Variants in ADAM23 observed in about 807,000 individuals in gnomAD.
ADAM23 encodes the protein disintegrin and metalloproteinase domain-containing protein 23.
ADAM23 carries 33 observed loss-of-function variants against 120.1 expected under a neutral mutation model. The ratio of observed to expected loss-of-function variants is 0.27; its 90% CI spans 0.21 to 0.37. The LOEUF (loss-of-function observed/expected upper bound fraction) is 0.37, where lower values mean the gene tolerates loss of function less well. Ranked by LOEUF, ADAM23 falls within the 10% of genes least tolerant of loss-of-function variation. The pLI is 1.00. For missense variants in ADAM23, 862 were observed against 1,058.2 expected (o/e 0.81, Z 2.57); for synonymous variants, 367 against 375.2 (o/e 0.98, Z 0.25).
chr2:206,584,413 A>G (rs1295347985), intron 18 of ADAM23, among the ~76,000 whole-genome samples: 1 of 152,226 alleles, frequency 6.6e-6, no homozygotes, highest in East Asian at 1.9e-4. Context: ...GCAGGGCCCT[A>G]GAACTCCCAA....
chr2:206,463,514 C>G (rs973262456), intron 2 of ADAM23, among the ~76,000 whole-genome samples: 7 of 152,150 alleles, frequency 4.6e-5, no homozygotes, highest in African/African-American at 1.4e-4. Flanking sequence ...TGTTTTAAGC[C>G]CTGACATCCA....
chr2:206,605,747 G>T (rs1188796027), intron 24 of ADAM23: 1 of 702,268 alleles, frequency 1.4e-6, no homozygotes, highest in East Asian at 2.7e-5. Flanking sequence ...AAATTAGTAT[G>T]TAATTTCCTT....
At chr2:206,569,644 A>G (rs1274017916) in intron 15 of ADAM23, among the ~76,000 whole-genome samples, 1 of 152,208 alleles carries the variant, frequency 6.6e-6, no homozygotes, top group African/African-American at 2.4e-5. Context: ...AGTGCAGGCC[A>G]TGTTCTAGTC....
intron 9 of ADAM23, among the ~76,000 whole-genome samples, chr2:206,555,398 T>C (rs1208983787): frequency 6.6e-6 from 1 of 152,194 alleles, no homozygotes; most frequent in East Asian, 1.9e-4. Context: ...GTGGGAGCTC[T>C]ACCCTCGTAG....
chr2:206,576,615 T>G (rs1698121373), intron 18 of ADAM23, among the ~76,000 whole-genome samples: 1 of 152,138 alleles, frequency 6.6e-6, no homozygotes, highest in Non-Finnish European at 1.5e-5. Flanking sequence ...TTGAATTTAA[T>G]TAATACTACT....
intron 9 of ADAM23, among the ~76,000 whole-genome samples, chr2:206,557,194 T>C (rs1189780202): frequency 1.3e-5 from 2 of 152,104 alleles, no homozygotes; most frequent in African/African-American, 4.8e-5. Flanking sequence ...CCTGCCAAAG[T>C]GTTGGGATTA....
intron 11 of ADAM23, among the ~76,000 whole-genome samples, chr2:206,560,787 C>T (rs879256639): frequency 9.9e-5 from 15 of 152,122 alleles, no homozygotes; most frequent in Non-Finnish European, 1.9e-4. Flanking sequence ...CTTTAATCAG[C>T]AATTTTTAAT....
intron 4 of ADAM23, among the ~76,000 whole-genome samples, chr2:206,534,306 GT>G (rs1420323582): frequency 6.6e-6 from 1 of 152,020 alleles, no homozygotes; most frequent in Non-Finnish European, 1.5e-5. Context: ...TTCGTCCCTA[GT>G]TTTAATGAGA....
intron 2 of ADAM23, among the ~76,000 whole-genome samples, chr2:206,473,632 TTTAA>T (rs1695711270): frequency 6.7e-6 from 1 of 149,506 alleles, no homozygotes; most frequent in Non-Finnish European, 1.5e-5. Flanking sequence ...ACGATTCTTA[TTTAA>T]TTGACATATT....
chr2:206,613,676 C>A lies in ADAM23; in HGVS notation c.2450+3676C>A, dbSNP rs147534234. On this transcript the variant is annotated intron_variant, in intron 25 of 25. Coordinates refer to ENST00000264377, the MANE Select transcript of ADAM23 (RefSeq NM_003812.4). ...CATTAAATGATGATACTGCTTGATT[C>A]GACTGTTAGAGCTGTTGCTTTTACT... Among the ~76,000 whole-genome samples the A allele has an allele frequency of 3.2e-4, 49 of 152,184 alleles. No homozygotes were observed. In the South Asian group the frequency reaches 3.9e-3, roughly 12 times the overall value.
chr2:206,493,431 G>A (rs2105887306), intron 3 of ADAM23, among the ~76,000 whole-genome samples: 2 of 152,240 alleles, frequency 1.3e-5, no homozygotes, highest in South Asian at 4.1e-4. Context: ...GGAGTGCAGT[G>A]GCGCGATCTC....
At chr2:206,526,521 G>A (rs1488540425) in intron 3 of ADAM23, among the ~76,000 whole-genome samples, 1 of 152,152 alleles carries the variant, frequency 6.6e-6, no homozygotes, top group Non-Finnish European at 1.5e-5. Flanking sequence ...TCATATTTCT[G>A]TTATGCCATC....
intron 2 of ADAM23, among the ~76,000 whole-genome samples, chr2:206,450,184 T>C (rs1349885798): frequency 6.6e-6 from 1 of 152,166 alleles, no homozygotes; most frequent in Non-Finnish European, 1.5e-5. Context: ...AACATAAATT[T>C]TTATGACCTT....
At chr2:206,493,268 T>C (rs1447721609) in intron 3 of ADAM23, among the ~76,000 whole-genome samples, 2 of 152,226 alleles carry the variant, frequency 1.3e-5, no homozygotes, top group Non-Finnish European at 2.9e-5. Context: ...ATAAAAGTAC[T>C]CTCTTTAACA....
chr2:206,577,005 A>G (rs1458212638), intron 18 of ADAM23, among the ~76,000 whole-genome samples: 1 of 152,190 alleles, frequency 6.6e-6, no homozygotes, highest in Non-Finnish European at 1.5e-5. Flanking sequence ...CCTGTATAGC[A>G]TAATGTACAA....
chr2:206,492,016 C>T (rs2105886310), intron 3 of ADAM23, among the ~76,000 whole-genome samples: 1 of 152,254 alleles, frequency 6.6e-6, no homozygotes, highest in East Asian at 1.9e-4. Context: ...TATTGAGTGC[C>T]TGCTAAGTGC....
chr2:206,499,269 G>A lies in ADAM23; in HGVS notation c.509+17961G>A, dbSNP rs531917066. On this transcript the variant is annotated intron_variant, in intron 3 of 25. Transcript: ENST00000264377. Reference sequence around the variant, plus strand: ...CCCAAATGTCCAACAATGATAGACTGGATTAAGAAAATGTGGCACGTATAC... The same window carrying A: ...CCCAAATGTCCAACAATGATAGACTAGATTAAGAAAATGTGGCACGTATAC... Among the ~76,000 whole-genome samples, 60 of 152,098 alleles carry A rather than the reference G, an allele frequency of 3.9e-4. 1 individual carries two copies. In the South Asian group the frequency reaches 8.5e-3, roughly 22 times the overall value.
At chr2:206,553,684 T>A (rs980657044) in intron 9 of ADAM23, among the ~76,000 whole-genome samples, 1 of 152,218 alleles carries the variant, frequency 6.6e-6, no homozygotes, top group Non-Finnish European at 1.5e-5. Context: ...AGGTTGTTTT[T>A]AAATTTGATT....
chr2:206,573,451 A>T (rs1275448081), intron 18 of ADAM23, among the ~76,000 whole-genome samples: 1 of 152,160 alleles, frequency 6.6e-6, no homozygotes, highest in Non-Finnish European at 1.5e-5. Context: ...CATTAAACAA[A>T]GTTTCTGTAC....
Sources: allele counts gnomAD v4.1 joint callset (sites outside exome capture counted in the v4.1 genomes callset), GRCh38; gene constraint gnomAD v4.1.1; transcripts MANE v1.5; gene names NCBI Gene and HGNC (gene_info 2026-07-23, HGNC 2026-07-21).